The following SYNE2 variants were observed in gnomAD, a reference collection of about 807,000 sequenced individuals.
SYNE2 encodes nesprin-2.
SYNE2 carries 431 observed loss-of-function variants against 856.3 expected under a neutral mutation model. The ratio of observed to expected loss-of-function variants is 0.50; its 90% CI spans 0.47 to 0.55. The LOEUF (loss-of-function observed/expected upper bound fraction) is 0.55, where lower values mean the gene tolerates loss of function less well. Among genes scored for constraint, SYNE2 ranks in the 20% least tolerant of loss-of-function variants. The probability of loss-of-function intolerance (pLI) is 0.00; values close to 1 mark genes in which losing one functional copy is unlikely to be tolerated. For synonymous variants in SYNE2, 2,923 were observed against 2,872.3 expected, an observed-to-expected ratio of 1.02 and a Z score of -0.56; for missense variants, 8,129 against 8,023.2, an observed-to-expected ratio of 1.01 and a Z score of -0.50.
chr14:63,918,077 A>C (rs2095552959), intron 2 of SYNE2, among the ~76,000 whole-genome samples: 2 of 152,202 alleles, frequency 1.3e-5, no homozygotes, highest in Admixed American at 1.3e-4. Flanking sequence ...AATTAGCCCC[A>C]TGAGATACAA....
At chr14:63,805,381 C>T (rs1307042501) in intron 1 of SYNE2, among the ~76,000 whole-genome samples, 1 of 152,040 alleles carries the variant, frequency 6.6e-6, no homozygotes, top group African/African-American at 2.4e-5. Flanking sequence ...TCTGTGTCAC[C>T]TCTGATTTCT....
intron 1 of SYNE2, among the ~76,000 whole-genome samples, chr14:63,837,439 A>G (rs1889895595): frequency 6.6e-6 from 1 of 152,220 alleles, no homozygotes; most frequent in African/African-American, 2.4e-5. Context: ...AAAAAAATAG[A>G]TAAATTGGAC....
chr14:64,013,064 T>C (rs2096859497), intron 32 of SYNE2, among the ~76,000 whole-genome samples: 1 of 152,224 alleles, frequency 6.6e-6, no homozygotes, highest in African/African-American at 2.4e-5. Context: ...CTATTAAAGT[T>C]TGGAAATATC....
At chr14:63,803,384 G>A (rs951885360) in intron 1 of SYNE2, among the ~76,000 whole-genome samples, 11 of 152,316 alleles carry the variant, frequency 7.2e-5, no homozygotes, top group African/African-American at 7.2e-5. Flanking sequence ...CAGGCATGGC[G>A]GGCTGCAGGT....
chr14:64,062,294 T>C (rs1324878963), intron 49 of SYNE2, among the ~76,000 whole-genome samples: 1 of 152,214 alleles, frequency 6.6e-6, no homozygotes, highest in Non-Finnish European at 1.5e-5. Context: ...AATAGTCTAG[T>C]GAGTAAAGAT....
intron 56 of SYNE2, 68 bp from the exon 57 acceptor site, chr14:64,081,375 T>A: frequency 6.2e-7 from 1 of 1,603,944 alleles, no homozygotes; most frequent in Non-Finnish European, 8.5e-7. Context: ...TATTGACTCT[T>A]CATCTAGGAG....
rs200950664 is a variant in SYNE2 at position 64,167,328 on chromosome 14, G to A, written c.16701G>A (p.Thr5567=). Residue 5567 remains threonine, a synonymous_variant, in exon 91 of 116, where the codon ACG becomes ACA. Coordinates refer to ENST00000555002, the MANE Select transcript of SYNE2 (RefSeq NM_182914.3). ...CACTTAGTGACGTAGCTGTGAAGAC[G>A]TTACAAAATATGAACCGGCAATGGA... The part of the protein sequence containing the change: ...KLPLSDVAVK[T]LQNMNRQWIR... 48 of 1,614,100 alleles carry A rather than the reference G, an allele frequency of 3.0e-5. No individual in the cohort carries two copies. Among genetic ancestry groups the A allele is most frequent in the Middle Eastern group, 3.3e-4 (2 of 6,084 alleles).
At position 64,074,077 on chromosome 14, in the gene SYNE2, A is replaced by G. The variant is rs1449828901; in HGVS notation, c.10807A>G (p.Thr3603Ala). The change falls in exon 53 of 116, where the codon ACA becomes GCA. Residue 3603 changes from threonine to alanine, a missense_variant. Physicochemically the swap from Thr to Ala is moderately conservative, Grantham distance 58. Coordinates refer to ENST00000555002, the MANE Select transcript of SYNE2 (RefSeq NM_182914.3). ...IALKNFFQQTTTSFQNMAFQD... is the reference protein window; with the variant it reads ...IALKNFFQQTATSFQNMAFQD... ...TTTGAAGAATTTCTTTCAACAGACCACAACTTCATTCCAAAATATGGCATT... is the reference window on the plus strand; with the variant it reads ...TTTGAAGAATTTCTTTCAACAGACCGCAACTTCATTCCAAAATATGGCATT... 2.5e-6 allele frequency: 4 copies of G among 1,614,218 alleles called. No individual in the cohort carries two copies. Among genetic ancestry groups the G allele is most frequent in the East Asian group, 2.2e-5 (1 of 44,892 alleles).
chr14:64,186,862 A>G (rs960307707), intron 97 of SYNE2, among the ~76,000 whole-genome samples: 2 of 152,206 alleles, frequency 1.3e-5, no homozygotes, highest in Admixed American at 6.5e-5. Context: ...AGATGTGTAG[A>G]CTGCTCTCTG....
chr14:64,146,568 T>C (rs2098189190), intron 84 of SYNE2, among the ~76,000 whole-genome samples: 1 of 152,262 alleles, frequency 6.6e-6, no homozygotes, highest in South Asian at 2.1e-4. Context: ...AAAATTACTC[T>C]AAAGGTTTCA....
chr14:64,142,071 C>A lies in SYNE2; in HGVS notation c.15289C>A (p.Leu5097Ile). Residue 5097 changes from leucine (L) to isoleucine (I), a missense_variant, in exon 82 of 116, where the codon CTT (leucine) becomes ATT (isoleucine). This residue lies in a region of SYNE2 where 5,410 missense variants were observed against 5,284.8 expected (regional missense o/e 1.02). Coordinates refer to ENST00000555002, the MANE Select transcript of SYNE2 (RefSeq NM_182914.3). The stretch of plus-strand genomic sequence containing the variant: ...AAGTTCTGCATCTCAAGTTAAACAT[C>A]TTCTTCAGAAGCACAAGGTAATTAT... Reference protein sequence around the residue: ...SPSSASQVKHLLQKHKEFRME... With the variant: ...SPSSASQVKHILQKHKEFRME... 6.2e-7 allele frequency: 1 copy of A among 1,611,966 alleles called. No homozygotes were observed. The highest frequency in any genetic ancestry group is 8.5e-7 in the Non-Finnish European group (1 of 1,179,686).
At chr14:63,936,613 T>G (rs2095837022) in intron 2 of SYNE2, among the ~76,000 whole-genome samples, 1 of 150,754 alleles carries the variant, frequency 6.6e-6, no homozygotes. Flanking sequence ...GAGGCCAGAG[T>G]GGTTGGAGCA....
At position 63,901,748 on chromosome 14, in the gene SYNE2, A is replaced by C. The variant is rs1595531200; in HGVS notation, c.-51-7350A>C. On this transcript the variant is annotated intron_variant, in intron 1 of 115. Transcript: ENST00000555002. ...AGACCAGCATGGGGAATATAGGGAG[A>C]CCCTGCCTCTACAGAAAATTTAAAA... Among the ~76,000 whole-genome samples, 3 of 152,160 alleles carry C rather than the reference A, an allele frequency of 2.0e-5. No homozygotes were observed. In the South Asian group the frequency reaches 6.2e-4, roughly 32 times the overall value.
At chr14:64,000,900 T>A (rs563917134) in intron 28 of SYNE2, among the ~76,000 whole-genome samples, 181 bp downstream of exon 28, 108 of 152,322 alleles carry the variant, frequency 7.1e-4, no homozygotes, top group Admixed American at 1.2e-3. Context: ...TCAGAGAGGT[T>A]AAATATTAAT....
chr14:63,910,788 G>A (rs2095463864), intron 2 of SYNE2, among the ~76,000 whole-genome samples: 1 of 152,160 alleles, frequency 6.6e-6, no homozygotes, highest in Non-Finnish European at 1.5e-5. Flanking sequence ...AAGGGGCTTA[G>A]CACAGTGCCT....
chr14:63,783,481 A>G (rs1182050428), intron 1 of SYNE2, among the ~76,000 whole-genome samples: 3 of 151,886 alleles, frequency 2.0e-5, no homozygotes, highest in African/African-American at 7.3e-5. Flanking sequence ...GGGTTCAAGG[A>G]ATTCTCCTGC....
chr14:64,038,917 C>T (rs1595062169), intron 45 of SYNE2, among the ~76,000 whole-genome samples: 2 of 152,140 alleles, frequency 1.3e-5, no homozygotes, highest in East Asian at 1.9e-4. Context: ...TGGGAGAGAG[C>T]GTGAGGAATT....
chr14:63,859,708 T>A (rs1212430330), intron 1 of SYNE2, among the ~76,000 whole-genome samples: 1 of 152,114 alleles, frequency 6.6e-6, no homozygotes, highest in Admixed American at 6.5e-5. Flanking sequence ...TCCAGCTACT[T>A]GGGAGGCTGA....
intron 19 of SYNE2, 84 bp downstream of exon 19, chr14:63,986,701 G>A: frequency 7.2e-7 from 1 of 1,385,360 alleles, no homozygotes; most frequent in Non-Finnish European, 1.0e-6. Flanking sequence ...AAAGTAAGTA[G>A]TAATAAGCCT....
Sources: allele counts gnomAD v4.1 joint callset (sites outside exome capture counted in the v4.1 genomes callset), GRCh38; gene constraint gnomAD v4.1.1; regional missense constraint gnomAD v4.1.1; transcripts MANE v1.5; gene names NCBI Gene and HGNC (gene_info 2026-07-23, HGNC 2026-07-21).